The following LIMS4 variants were observed in gnomAD, a reference collection of about 807,000 sequenced individuals.
LIMS4 encodes LIM zinc finger domain containing 4, also known as LIM and senescent cell antigen-like-containing domain protein 4.
At chr2:110,392,083 A>G in the LIMS4 span, among the ~76,000 whole-genome samples, 2 of 152,046 alleles carry the variant, frequency 1.3e-5, no homozygotes, top group African/African-American at 4.9e-5. Flanking sequence ...AAAATTCATC[A>G]CCTTGCATGT....
the LIMS4 span, among the ~76,000 whole-genome samples, chr2:110,391,725 C>CCGAAT: frequency 9.2e-6 from 1 of 109,116 alleles, no homozygotes. Context: ...TCACGGGGAG[C>CCGAAT]CATTAGTGAG....
At chr2:110,427,097 AT>A in the LIMS4 span, among the ~76,000 whole-genome samples, 3 of 140,134 alleles carry the variant, frequency 2.1e-5, no homozygotes, top group African/African-American at 9.2e-5. Context: ...GATGCTGAGC[AT>A]TTTTTCATGT....
the LIMS4 span, among the ~76,000 whole-genome samples, chr2:110,425,146 G>A: frequency 1.4e-5 from 2 of 143,166 alleles, no homozygotes; most frequent in Non-Finnish European, 3.0e-5. Context: ...CCACCGGAAG[G>A]AACCAACTCC....
At chr2:110,362,079 T>C in the LIMS4 span, 1 of 1,145,830 alleles carries the variant, frequency 8.7e-7, no homozygotes, top group Middle Eastern at 2.0e-4. Context: ...TAAGGAGATT[T>C]GTGCTGATGG....
At chr2:110,425,260 C>G in the LIMS4 span, among the ~76,000 whole-genome samples, 2 of 143,294 alleles carry the variant, frequency 1.4e-5, 1 homozygote, top group Admixed American at 1.4e-4. Flanking sequence ...GGTGGCAAAC[C>G]TATAGTGGGC....
At chr2:110,453,983 TAAC>T (rs1215245523) in intron 5 of LIMS4, among the ~76,000 whole-genome samples, 6 of 80,354 alleles carry the variant, frequency 7.5e-5, no homozygotes, top group East Asian at 6.3e-4. Context: ...TAAATAAATA[TAAC>T]AACATCTTTT....
At chr2:110,390,928 G>C in the LIMS4 span, among the ~76,000 whole-genome samples, 1 of 152,310 alleles carries the variant, frequency 6.6e-6, no homozygotes, top group South Asian at 2.1e-4. Context: ...AACTGCTGCA[G>C]GGGAGGCTGG....
chr2:110,372,044 G>T, the LIMS4 span, among the ~76,000 whole-genome samples: 2 of 151,318 alleles, frequency 1.3e-5, no homozygotes, highest in Admixed American at 6.6e-5. Context: ...GAGAGTGGAC[G>T]TCAGAACTAT....
chr2:110,375,209 T>C, the LIMS4 span: 1 of 108,138 alleles, frequency 9.2e-6, no homozygotes, highest in African/African-American at 3.6e-5. Flanking sequence ...ATTCAATCAA[T>C]ACAAAAGGAT....
chr2:110,365,110 C>T, the LIMS4 span, among the ~76,000 whole-genome samples: 1 of 139,150 alleles, frequency 7.2e-6, no homozygotes, highest in African/African-American at 3.1e-5. Context: ...CAACCCTCCA[C>T]TGACAGTATT....
the LIMS4 span, among the ~76,000 whole-genome samples, chr2:110,391,241 C>T: frequency 7.4e-5 from 11 of 148,398 alleles, no homozygotes; most frequent in African/African-American, 2.6e-4. Context: ...CACCCGTAAC[C>T]GCCCGTAACA....
chr2:110,385,399 A>ATCTATC, the LIMS4 span, among the ~76,000 whole-genome samples: 1 of 125,146 alleles, frequency 8.0e-6, no homozygotes, highest in Non-Finnish European at 1.6e-5. Context: ...AGGTGGGAGG[A>ATCTATC]GGTCCCAGAG....
chr2:110,376,125 C>A, the LIMS4 span: 1 of 125,582 alleles, frequency 8.0e-6, no homozygotes. Flanking sequence ...AAGCCAGCAA[C>A]AGCAGGTGAA....
At chr2:110,392,155 G>A in the LIMS4 span, among the ~76,000 whole-genome samples, 2 of 152,020 alleles carry the variant, frequency 1.3e-5, no homozygotes, top group Non-Finnish European at 2.9e-5. Flanking sequence ...AAGACTTCTG[G>A]GAAATCTTTA....
the LIMS4 span, among the ~76,000 whole-genome samples, chr2:110,392,090 A>G: frequency 2.6e-5 from 4 of 152,064 alleles, no homozygotes; most frequent in Non-Finnish European, 2.9e-5. Context: ...ATCACCTTGC[A>G]TGTTTCATCT....
the LIMS4 span, among the ~76,000 whole-genome samples, chr2:110,368,022 C>T: frequency 0.012 from 1,752 of 144,288 alleles, 29 homozygotes; most frequent in Admixed American, 0.08. Flanking sequence ...AAAAGAACTA[C>T]GTAACATATA....
the LIMS4 span, among the ~76,000 whole-genome samples, chr2:110,390,273 C>T: frequency 7.0e-6 from 1 of 142,686 alleles, no homozygotes; most frequent in East Asian, 2.1e-4. Flanking sequence ...GCATGGACCA[C>T]GCATCCTGGA....
the LIMS4 span, chr2:110,360,751 T>G: frequency 1.9e-6 from 3 of 1,601,620 alleles, no homozygotes. Flanking sequence ...GGGAGATTCA[T>G]CCTCGTGACT....
At chr2:110,368,011 A>T in the LIMS4 span, among the ~76,000 whole-genome samples, 1 of 145,686 alleles carries the variant, frequency 6.9e-6, no homozygotes, top group African/African-American at 2.7e-5. Flanking sequence ...AATTCTTGAA[A>T]AAAAGAACTA....
Sources: gnomAD v4.1 joint callset for allele counts (sites outside exome capture counted in the v4.1 genomes callset) on GRCh38, gnomAD v4.1.1 for gene constraint, MANE v1.5 for transcripts, NCBI Gene and HGNC (gene_info 2026-07-23, HGNC 2026-07-21) for gene names.